The following CORO2B variants were observed in gnomAD, a reference collection of about 807,000 sequenced individuals.
CORO2B encodes coronin-2B.
In CORO2B, 26 loss-of-function variants were observed where a neutral mutation model predicts 58.8. The observed-to-expected ratio is 0.44, with a 90% CI of 0.32 to 0.61. CORO2B has a LOEUF of 0.61. Ranked by LOEUF, CORO2B falls within the 20% of genes least tolerant of loss-of-function variation. The probability of loss-of-function intolerance (pLI) is 0.04; values close to 1 mark genes in which losing one functional copy is unlikely to be tolerated. For synonymous variants in CORO2B, 242 were observed against 253.8 expected, an observed-to-expected ratio of 0.95 and a Z score of 0.44; for missense variants, 460 against 645.1, an observed-to-expected ratio of 0.71 and a Z score of 3.11.
At chr15:68,668,383 A>G (rs567046577) in intron 2 of CORO2B, among the ~76,000 whole-genome samples, 23 of 151,382 alleles carry the variant, frequency 1.5e-4, no homozygotes, top group Non-Finnish European at 2.8e-4. Context: ...GAGACAAACA[A>G]TGAACAAGGG....
the CORO2B span, among the ~76,000 whole-genome samples, chr15:68,566,120 A>G: frequency 6.6e-6 from 1 of 152,136 alleles, no homozygotes; most frequent in Non-Finnish European, 1.5e-5. Flanking sequence ...TTGGGGAGAA[A>G]GAGGATCCTT....
intron 11 of CORO2B, among the ~76,000 whole-genome samples, chr15:68,723,400 G>A (rs1033564817): frequency 2.0e-5 from 3 of 151,436 alleles, no homozygotes; most frequent in African/African-American, 7.3e-5. Flanking sequence ...GGGCTTACAG[G>A]TGTGAGCCAC....
At chr15:68,593,210 G>A (rs1899747059) in intron 1 of CORO2B, among the ~76,000 whole-genome samples, 1 of 152,224 alleles carries the variant, frequency 6.6e-6, no homozygotes, top group Admixed American at 6.5e-5. Flanking sequence ...CTGTTACATT[G>A]GCAATTAAAT....
At chr15:68,702,067 C>T (rs780016062) in intron 3 of CORO2B, among the ~76,000 whole-genome samples, 1 of 151,996 alleles carries the variant, frequency 6.6e-6, no homozygotes, top group East Asian at 1.9e-4. Flanking sequence ...ACATGATAAG[C>T]GGAAGGACAG....
At chr15:68,709,654 G>A (rs1007265927) in intron 3 of CORO2B, among the ~76,000 whole-genome samples, 4 of 151,734 alleles carry the variant, frequency 2.6e-5, no homozygotes, top group Non-Finnish European at 5.9e-5. Context: ...GCACGGTCTC[G>A]CTGTGTTGCT....
At chr15:68,578,222 C>T (rs546747451), upstream of CORO2B, among the ~76,000 whole-genome samples, 1 of 152,138 alleles carries the variant, frequency 6.6e-6, no homozygotes, top group Non-Finnish European at 1.5e-5. This position sits in a 1 kb window ranked among gnomAD's most constrained non-coding sequence, Gnocchi z 4.2. Flanking sequence ...ACCAGTAGAG[C>T]GGCACTCAGT....
the CORO2B span, among the ~76,000 whole-genome samples, chr15:68,549,601 G>GAGCTGGA: frequency 6.6e-6 from 1 of 152,182 alleles, no homozygotes; most frequent in South Asian, 2.1e-4. Context: ...GGAAAGCCCT[G>GAGCTGGA]AGCTGGAAGC....
the CORO2B span, among the ~76,000 whole-genome samples, chr15:68,532,071 T>G: frequency 2.0e-5 from 3 of 152,102 alleles, no homozygotes; most frequent in Non-Finnish European, 4.4e-5. Flanking sequence ...TCTTTTTCTC[T>G]CCAACTGCTT....
intron 3 of CORO2B, among the ~76,000 whole-genome samples, chr15:68,705,026 T>C (rs909189886): frequency 1.3e-5 from 2 of 152,144 alleles, no homozygotes; most frequent in African/African-American, 4.8e-5. Flanking sequence ...TCCCAGCTAC[T>C]CAGGCCCACT....
At chr15:68,632,932 C>A (rs1439203989) in intron 1 of CORO2B, among the ~76,000 whole-genome samples, 2 of 152,156 alleles carry the variant, frequency 1.3e-5, no homozygotes, top group African/African-American at 4.8e-5. Flanking sequence ...GAAGGTTACA[C>A]CTAGTAAATG....
rs567277396 is a variant in CORO2B, at chr15:68,700,716, G to A, written c.333+5460G>A. Among the ~76,000 whole-genome samples the A allele has an allele frequency of 1.1e-4, 17 of 152,336 alleles. 1 individual carries two copies. In the South Asian group the frequency reaches 3.5e-3, roughly 32 times the overall value. ...CTTTTTATAGCTTCTGCCGCAGCTA[G>A]GGAGGGCGGCTGGCAGGCGGCAGGG... On this transcript the variant is annotated intron_variant, in intron 3 of 11. Transcript: ENST00000261861.
At chr15:68,651,919 C>CTACTCTGTAGGAA (rs1194251700) in intron 2 of CORO2B, among the ~76,000 whole-genome samples, 1 of 152,122 alleles carries the variant, frequency 6.6e-6, no homozygotes, top group Non-Finnish European at 1.5e-5. Context: ...AGTAGGAAGC[C>CTACTCTGTAGGAA]GTGTCTACAA....
the CORO2B span, among the ~76,000 whole-genome samples, chr15:68,545,768 T>A: frequency 2.1e-4 from 32 of 152,198 alleles, no homozygotes; most frequent in African/African-American, 7.0e-4. Context: ...CTGGGGTAAA[T>A]GAGGCATGCC....
the CORO2B span, among the ~76,000 whole-genome samples, chr15:68,557,985 A>G: frequency 1.3e-5 from 2 of 152,078 alleles, no homozygotes; most frequent in Non-Finnish European, 2.9e-5. Context: ...CTTAAGGTAA[A>G]TGAAGGGCAC....
In CORO2B at chr15:68,659,921, CAAAA is replaced by C. The variant is rs531730852; in HGVS notation, c.216+14565_216+14568del. Among the ~76,000 whole-genome samples the C allele has an allele frequency of 5.6e-3, 850 of 151,762 alleles. 9 individuals carry two copies. Among genetic ancestry groups the C allele is most frequent in the African/African-American group, 0.02 (827 of 41,412 alleles). On this transcript the variant is annotated intron_variant, in intron 2 of 11. Coordinates refer to ENST00000261861, the MANE Select transcript of CORO2B (RefSeq NM_006091.5). ...CAGAGCGAGACTGTGTTTCAAAAAACAAAAAAAGTCTATCCTCATCTTCATGCTG... is the reference window on the plus strand; with the variant it reads ...CAGAGCGAGACTGTGTTTCAAAAAACAAAGTCTATCCTCATCTTCATGCTG...
the CORO2B span, among the ~76,000 whole-genome samples, chr15:68,526,237 A>G: frequency 1.1e-4 from 16 of 152,206 alleles, no homozygotes; most frequent in Non-Finnish European, 2.1e-4. Context: ...ACACTTACAG[A>G]TGGGTCTTCA....
intron 2 of CORO2B, among the ~76,000 whole-genome samples, chr15:68,677,670 G>A (rs1389209120): frequency 6.6e-6 from 1 of 152,184 alleles, no homozygotes; most frequent in Non-Finnish European, 1.5e-5. Context: ...TGGTGACTTC[G>A]TGTTGGGAAA....
chr15:68,693,554 C>A (rs545238236), intron 2 of CORO2B, among the ~76,000 whole-genome samples: 2 of 152,338 alleles, frequency 1.3e-5, no homozygotes, highest in East Asian at 1.9e-4. Flanking sequence ...AGGAAAAAGA[C>A]CTGAGAGATG....
At chr15:68,590,716 A>G (rs1371140517) in intron 1 of CORO2B, among the ~76,000 whole-genome samples, 2 of 152,186 alleles carry the variant, frequency 1.3e-5, no homozygotes, top group African/African-American at 2.4e-5. Context: ...AGTGGTTGTC[A>G]TTGACTGGAC....
Sources: gnomAD v4.1 joint callset for allele counts (sites outside exome capture counted in the v4.1 genomes callset) on GRCh38, gnomAD v4.1.1 for gene constraint, Gnocchi (gnomAD v3.1) non-coding constraint, MANE v1.5 for transcripts, NCBI Gene and HGNC (gene_info 2026-07-23, HGNC 2026-07-21) for gene names.